RBFOX1: variants seen among roughly 807,000 people sequenced by gnomAD.
RBFOX1 encodes RNA binding protein fox-1 homolog 1.
Under a neutral mutation model 57.7 loss-of-function variants are expected in RBFOX1, and 8 were observed. The observed-to-expected ratio is 0.14, with a 90% CI of 0.08 to 0.25. RBFOX1 has a LOEUF of 0.25. Ranked by LOEUF, RBFOX1 falls within the 10% of genes least tolerant of loss-of-function variation. The pLI is 1.00. For synonymous variants in RBFOX1, 326 were observed against 222.4 expected (o/e 1.47, Z -4.15); for missense variants, 611 against 548.5 (o/e 1.11, Z -1.14).
At position 7,379,316 on chromosome 16, in the gene RBFOX1, CTG is replaced by C. The variant is rs2097745166; in HGVS notation, c.28-138829_28-138828del. 3.3e-5 allele frequency among the ~76,000 whole-genome samples: 5 copies of C among 152,212 alleles called. No individual in the cohort carries two copies. The South Asian group carries it at 1.0e-3, about 32-fold the overall frequency. On this transcript the variant is annotated intron_variant, in intron 4 of 15. Coordinates refer to ENST00000550418, the MANE Select transcript of RBFOX1 (RefSeq NM_018723.4). Reference sequence around the variant, plus strand: ...TCCAAAAGAGTATCTTATTTTTAGACTGTTTTAAAATAATAACAGTATTATCT... The same window carrying C: ...TCCAAAAGAGTATCTTATTTTTAGACTTTTAAAATAATAACAGTATTATCT...
At chr16:6,757,782 T>C (rs2076032559) in intron 3 of RBFOX1, among the ~76,000 whole-genome samples, 1 of 152,090 alleles carries the variant, frequency 6.6e-6, no homozygotes, top group South Asian at 2.1e-4. Context: ...TCAAAGTAAC[T>C]AGAAGAAAAG....
chr16:5,630,255 G>A (rs371637489), intron 3 of RBFOX1, among the ~76,000 whole-genome samples: 8 of 152,080 alleles, frequency 5.3e-5, no homozygotes, highest in Non-Finnish European at 1.2e-4. Flanking sequence ...TCAGGAGTTC[G>A]AGACCAGCCT....
intron 3 of RBFOX1, among the ~76,000 whole-genome samples, chr16:5,714,130 A>T (rs774715911): frequency 6.6e-6 from 1 of 152,136 alleles, no homozygotes; most frequent in African/African-American, 2.4e-5. Context: ...TTTCCACCAT[A>T]TCTGTTTATA....
At chr16:7,173,679 G>C (rs908501224) in intron 4 of RBFOX1, among the ~76,000 whole-genome samples, 1 of 152,166 alleles carries the variant, frequency 6.6e-6, no homozygotes, top group African/African-American at 2.4e-5. Context: ...GGCTCCAGAA[G>C]GGTGGAAACA....
chr16:6,497,403 C>T (rs149106875), intron 2 of RBFOX1, among the ~76,000 whole-genome samples: 1 of 152,092 alleles, frequency 6.6e-6, no homozygotes, highest in African/African-American at 2.4e-5. Context: ...AGCTACTTTT[C>T]CCACTCTGTA....
At chr16:6,315,656 A>C (rs1158808566) in intron 1 of RBFOX1, among the ~76,000 whole-genome samples, 1 of 152,164 alleles carries the variant, frequency 6.6e-6, no homozygotes, top group East Asian at 1.9e-4. Context: ...GAGATTGGTC[A>C]TTTTTATTAG....
At chr16:5,822,549 C>A (rs2055893357) in intron 3 of RBFOX1, among the ~76,000 whole-genome samples, 1 of 152,172 alleles carries the variant, frequency 6.6e-6, no homozygotes. Context: ...GATCCTATAG[C>A]TACAAATAGT....
chr16:7,406,325 G>A (rs1263554367), intron 4 of RBFOX1, among the ~76,000 whole-genome samples: 2 of 152,154 alleles, frequency 1.3e-5, no homozygotes, highest in African/African-American at 4.8e-5. Flanking sequence ...AATGTTGAGT[G>A]GGATTACTGC....
chr16:6,542,179 G>A (rs2096829939), intron 2 of RBFOX1, among the ~76,000 whole-genome samples: 1 of 152,062 alleles, frequency 6.6e-6, no homozygotes, highest in Non-Finnish European at 1.5e-5. Context: ...TCCTGCGTCT[G>A]CCTCTCAAAG....
chr16:6,886,644 G>A (rs1362240857), intron 3 of RBFOX1, among the ~76,000 whole-genome samples: 1 of 151,744 alleles, frequency 6.6e-6, no homozygotes, highest in Non-Finnish European at 1.5e-5. Context: ...AATCCTAGCT[G>A]CTCAGGAGGC....
At position 7,337,197 on chromosome 16, in the gene RBFOX1, A is replaced by G. The variant is rs186251126; in HGVS notation, c.28-180950A>G. ...TGCGAGTGGTATAGCTGGGATTTGG[A>G]CTGGATTTGTTGAACCAGGGTCTTT... On this transcript the variant is annotated intron_variant, in intron 4 of 15. Coordinates refer to ENST00000550418, the MANE Select transcript of RBFOX1 (RefSeq NM_018723.4). Among the ~76,000 whole-genome samples, 287 of 152,220 alleles carry G rather than the reference A, an allele frequency of 1.9e-3. 1 individual carries two copies. The highest frequency in any genetic ancestry group is 6.3e-3 in the African/African-American group (262 of 41,526).
At chr16:6,676,880 T>A (rs1603354205) in intron 3 of RBFOX1, among the ~76,000 whole-genome samples, 2 of 151,970 alleles carry the variant, frequency 1.3e-5, no homozygotes, top group Non-Finnish European at 1.5e-5. Flanking sequence ...TTCACCATGT[T>A]GGCCATGCTG....
chr16:5,794,241 T>C (rs1270450517), intron 3 of RBFOX1, among the ~76,000 whole-genome samples: 1 of 152,142 alleles, frequency 6.6e-6, no homozygotes, highest in Non-Finnish European at 1.5e-5. Context: ...AAATGGTCCT[T>C]CTTCCCCTTT....
intron 4 of RBFOX1, among the ~76,000 whole-genome samples, chr16:7,399,662 T>C (rs1328178853): frequency 6.6e-6 from 1 of 152,110 alleles, no homozygotes; most frequent in Non-Finnish European, 1.5e-5. Context: ...CTCTATGTCT[T>C]CTGTTCTGTG....
At chr16:6,551,918 C>T (rs974567924) in intron 2 of RBFOX1, among the ~76,000 whole-genome samples, 2 of 152,220 alleles carry the variant, frequency 1.3e-5, no homozygotes, top group South Asian at 2.1e-4. Flanking sequence ...ATCCAGTCTA[C>T]TCTTTAAATT....
At chr16:5,308,280 T>A (rs994927970) in intron 1 of RBFOX1, among the ~76,000 whole-genome samples, 1 of 151,784 alleles carries the variant, frequency 6.6e-6, no homozygotes, top group Non-Finnish European at 1.5e-5. Flanking sequence ...TGAACTGAGA[T>A]TGCGCCACTA....
chr16:5,569,042 G>T (rs2046175167), intron 2 of RBFOX1, among the ~76,000 whole-genome samples: 3 of 151,358 alleles, frequency 2.0e-5, no homozygotes, highest in Non-Finnish European at 4.4e-5. Flanking sequence ...GGTAGAGGCA[G>T]GGTTTCATCA....
intron 1 of RBFOX1, among the ~76,000 whole-genome samples, 175 bp from the exon 2 acceptor site, chr16:6,316,820 A>G (rs2081177002): frequency 6.6e-6 from 1 of 152,234 alleles, no homozygotes; most frequent in Admixed American, 6.5e-5. Context: ...TAATAAAAAT[A>G]CATCGAAGAA....
intron 4 of RBFOX1, among the ~76,000 whole-genome samples, chr16:7,213,711 G>A (rs913915766): frequency 1.3e-5 from 2 of 152,136 alleles, no homozygotes; most frequent in East Asian, 1.9e-4. Flanking sequence ...TCAAGGGACC[G>A]AGGTTCCAGA....
Sources: gnomAD v4.1 joint callset for allele counts (sites outside exome capture counted in the v4.1 genomes callset) on GRCh38, gnomAD v4.1.1 for gene constraint, MANE v1.5 for transcripts, NCBI Gene and HGNC (gene_info 2026-07-23, HGNC 2026-07-21) for gene names.